Variants in EXOC4 observed in about 807,000 individuals in gnomAD.
The protein encoded by EXOC4 is SEC8-like 1.
EXOC4 carries 71 observed loss-of-function variants against 107.2 expected under a neutral mutation model. That is an observed-to-expected ratio of 0.66 (90% CI 0.55 to 0.81). The LOEUF is 0.81. Among genes scored for constraint, EXOC4 ranks in the 30% least tolerant of loss-of-function variants. EXOC4 has a pLI of 0.00. For synonymous variants in EXOC4, 456 were observed against 441.2 expected (o/e 1.03, Z -0.42); for missense variants, 1,108 against 1,189.6 (o/e 0.93, Z 1.01).
At chr7:133,494,734 A>C (rs1297851048) in intron 9 of EXOC4, among the ~76,000 whole-genome samples, 1 of 152,184 alleles carries the variant, frequency 6.6e-6, no homozygotes, top group African/African-American at 2.4e-5. Flanking sequence ...TATTCTAACC[A>C]ATTGAAATCC....
At chr7:133,372,788 C>A (rs1796406224) in intron 6 of EXOC4, among the ~76,000 whole-genome samples, 1 of 152,188 alleles carries the variant, frequency 6.6e-6, no homozygotes, top group Non-Finnish European at 1.5e-5. Flanking sequence ...TGTCATGGAT[C>A]AATATGGTTT....
intron 12 of EXOC4, among the ~76,000 whole-genome samples, chr7:133,914,745 C>A (rs749629663): frequency 6.6e-5 from 10 of 152,216 alleles, no homozygotes; most frequent in Non-Finnish European, 1.2e-4. Flanking sequence ...AAATTCTGGG[C>A]AAATGCAAGA....
rs1409438629 is a variant in EXOC4 at position 133,503,483 on chromosome 7, T to A, written c.1417+23345T>A. Among the ~76,000 whole-genome samples, 4 of 152,150 alleles carry A rather than the reference T, an allele frequency of 2.6e-5. No individual in the cohort carries two copies. The East Asian group carries it at 7.7e-4, about 29-fold the overall frequency. On this transcript the variant is annotated intron_variant, in intron 9 of 17. Transcript: ENST00000253861. The stretch of plus-strand genomic sequence containing the variant: ...AGCTTTATTTGTCAGTCTTGCTTAA[T>A]CCTCCTTCCTTTGTTGATGAAGAGT...
intron 14 of EXOC4, among the ~76,000 whole-genome samples, chr7:133,959,136 G>A (rs546645861): frequency 5.9e-5 from 9 of 152,228 alleles, no homozygotes; most frequent in South Asian, 2.1e-4. Context: ...CAAAACTCCA[G>A]TCAGCCCCAC....
intron 7 of EXOC4, among the ~76,000 whole-genome samples, chr7:133,422,820 G>A (rs900023501): frequency 2.0e-5 from 3 of 152,212 alleles, no homozygotes; most frequent in Non-Finnish European, 2.9e-5. Flanking sequence ...AGAGAAGTAT[G>A]TGAAAGTTTT....
chr7:133,595,286 C>T (rs1385576452), intron 9 of EXOC4, among the ~76,000 whole-genome samples: 2 of 152,106 alleles, frequency 1.3e-5, no homozygotes, highest in Non-Finnish European at 2.9e-5. Flanking sequence ...GATGATACTC[C>T]CAGAAGTAGT....
At chr7:133,346,022 A>C (rs1459529794) in intron 5 of EXOC4, among the ~76,000 whole-genome samples, 1 of 152,344 alleles carries the variant, frequency 6.6e-6, no homozygotes, top group South Asian at 2.1e-4. Context: ...AGTGCCTCAG[A>C]TATTGCTCTC....
At chr7:133,672,389 TAAAAA>T (rs764420077) in intron 10 of EXOC4, among the ~76,000 whole-genome samples, 1 of 130,128 alleles carries the variant, frequency 7.7e-6, no homozygotes, top group African/African-American at 2.8e-5. Context: ...AGACTCCGTT[TAAAAA>T]AAAAAAAAAA....
At chr7:133,934,710 C>G (rs1800258325) in intron 13 of EXOC4, among the ~76,000 whole-genome samples, 1 of 152,112 alleles carries the variant, frequency 6.6e-6, no homozygotes, top group African/African-American at 2.4e-5. Context: ...CACCACCCAG[C>G]TCAGAGGCAT....
chr7:134,026,618 C>T (rs1338999346), intron 17 of EXOC4, among the ~76,000 whole-genome samples: 1 of 151,480 alleles, frequency 6.6e-6, no homozygotes, highest in Non-Finnish European at 1.5e-5. Flanking sequence ...GGTGCAGACA[C>T]TACCATACTG....
chr7:134,051,935 G>A lies in EXOC4; in HGVS notation c.2688-12356G>A, dbSNP rs913154128. Reference sequence around the variant, plus strand: ...CGGGAGGTAGAGCTTGCAGTGAGCCGAGATCACGCCACTGCACTCCAGCCT... The same window carrying A: ...CGGGAGGTAGAGCTTGCAGTGAGCCAAGATCACGCCACTGCACTCCAGCCT... On this transcript the variant is annotated intron_variant, in intron 17 of 17. Transcript: ENST00000253861. Among the ~76,000 whole-genome samples, 26 of 152,008 alleles carry A rather than the reference G, an allele frequency of 1.7e-4. 1 individual carries two copies. In the South Asian group the frequency reaches 3.9e-3, roughly 23 times the overall value.
chr7:133,547,673 A>G (rs1800508335), intron 9 of EXOC4, among the ~76,000 whole-genome samples: 2 of 152,214 alleles, frequency 1.3e-5, no homozygotes, highest in South Asian at 4.1e-4. Context: ...AGTAGATTAC[A>G]TCTCAAGAAA....
intron 9 of EXOC4, among the ~76,000 whole-genome samples, chr7:133,613,891 C>A (rs1489191381): frequency 6.6e-6 from 1 of 151,922 alleles, no homozygotes; most frequent in Non-Finnish European, 1.5e-5. Context: ...ATAGGGAAGT[C>A]ATTATATGGT....
chr7:133,391,837 C>T (rs1041869714), intron 7 of EXOC4, among the ~76,000 whole-genome samples: 4 of 152,064 alleles, frequency 2.6e-5, no homozygotes, highest in African/African-American at 9.7e-5. Flanking sequence ...GCAGTGCTTG[C>T]TATAATGTGA....
chr7:133,946,708 A>G (rs946727251), intron 14 of EXOC4, among the ~76,000 whole-genome samples: 1 of 152,004 alleles, frequency 6.6e-6, no homozygotes, highest in Non-Finnish European at 1.5e-5. Flanking sequence ...TTGTTCTTTT[A>G]TTTTCTAAGG....
At chr7:133,526,726 CT>C (rs1438386112) in intron 9 of EXOC4, among the ~76,000 whole-genome samples, 3 of 152,196 alleles carry the variant, frequency 2.0e-5, no homozygotes, top group Non-Finnish European at 2.9e-5. Context: ...AGTCCCAGCA[CT>C]TTGGGAGGCT....
intron 14 of EXOC4, among the ~76,000 whole-genome samples, chr7:133,941,494 T>G (rs1311965422): frequency 6.6e-6 from 1 of 152,184 alleles, no homozygotes; most frequent in African/African-American, 2.4e-5. Context: ...TTTTTTCATC[T>G]CTTTTAGTGT....
chr7:133,640,447 A>G (rs759145922), intron 10 of EXOC4, among the ~76,000 whole-genome samples: 3 of 152,212 alleles, frequency 2.0e-5, no homozygotes, highest in African/African-American at 4.8e-5. Context: ...TTAATTTGGA[A>G]TAAAAGAACT....
At chr7:133,797,399 G>T (rs557932740) in intron 10 of EXOC4, among the ~76,000 whole-genome samples, 1 of 152,098 alleles carries the variant, frequency 6.6e-6, no homozygotes, top group African/African-American at 2.4e-5. Context: ...TCATTAGACT[G>T]GTACTCTTCC....
Sources: allele counts gnomAD v4.1 joint callset (sites outside exome capture counted in the v4.1 genomes callset), GRCh38; gene constraint gnomAD v4.1.1; transcripts MANE v1.5; gene names NCBI Gene and HGNC (gene_info 2026-07-23, HGNC 2026-07-21).